PRKG1: variants seen among roughly 807,000 people sequenced by gnomAD.
PRKG1 encodes cGMP-dependent protein kinase 1.
PRKG1 carries 35 observed loss-of-function variants against 88.1 expected under a neutral mutation model. The observed-to-expected ratio is 0.40, with a 90% CI of 0.30 to 0.53. The LOEUF (loss-of-function observed/expected upper bound fraction) is 0.53, where lower values mean the gene tolerates loss of function less well. Ranked by LOEUF, PRKG1 falls within the 20% of genes least tolerant of loss-of-function variation. The probability of loss-of-function intolerance (pLI) is 0.59; values close to 1 mark genes in which losing one functional copy is unlikely to be tolerated. For synonymous variants in PRKG1, 303 were observed against 292.5 expected (o/e 1.04, Z -0.37); for missense variants, 540 against 839.8 (o/e 0.64, Z 4.41).
rs181795865 is a variant in PRKG1, at chr10:51,517,613, G to T, written c.592+49777G>T. Among the ~76,000 whole-genome samples the T allele has an allele frequency of 2.8e-3, 429 of 152,316 alleles. 3 individuals are homozygous for T. The highest frequency in any genetic ancestry group is 3.6e-3 in the Non-Finnish European group (248 of 68,032). ...TCTGTCTTCGTGAACATGCAAATCA[G>T]TTATTTAAAGTCTGTGTCTTATGAC... On this transcript the variant is annotated intron_variant, in intron 3 of 17. Transcript: ENST00000373980.
chr10:51,538,384 TTATACA>T, intron 3 of PRKG1, among the ~76,000 whole-genome samples: 1 of 145,308 alleles, frequency 6.9e-6, no homozygotes, highest in South Asian at 2.2e-4. Flanking sequence ...ATATACATTA[TTATACA>T]TATCATATAT....
At chr10:52,070,904 C>A (rs918225819) in intron 7 of PRKG1, among the ~76,000 whole-genome samples, 3 of 152,118 alleles carry the variant, frequency 2.0e-5, no homozygotes, top group Admixed American at 2.0e-4. Context: ...AACCCCAGCT[C>A]CATTGTTTAT....
intron 4 of PRKG1, among the ~76,000 whole-genome samples, chr10:51,905,326 T>G (rs1239716224): frequency 6.6e-6 from 1 of 152,156 alleles, no homozygotes; most frequent in African/African-American, 2.4e-5. Flanking sequence ...ATTTCATCAA[T>G]AAGCCTTACC....
chr10:51,252,828 TC>T (rs1334008136), intron 2 of PRKG1, among the ~76,000 whole-genome samples: 2 of 151,820 alleles, frequency 1.3e-5, no homozygotes, highest in African/African-American at 4.8e-5. Context: ...CATATTAAGC[TC>T]CTGGTGTAAG....
intron 7 of PRKG1, among the ~76,000 whole-genome samples, chr10:52,115,392 T>C (rs1847662972): frequency 6.6e-6 from 1 of 152,166 alleles, no homozygotes; most frequent in East Asian, 1.9e-4. Context: ...GTCTTATTTC[T>C]CTCTCCTTGC....
intron 7 of PRKG1, among the ~76,000 whole-genome samples, chr10:52,123,403 T>G (rs1434313182): frequency 6.6e-6 from 1 of 152,110 alleles, no homozygotes; most frequent in Non-Finnish European, 1.5e-5. Context: ...TCAGTCTCTT[T>G]TGGGTCATGT....
At chr10:52,025,541 A>G (rs1845313041) in intron 5 of PRKG1, among the ~76,000 whole-genome samples, 1 of 152,110 alleles carries the variant, frequency 6.6e-6, no homozygotes, top group Non-Finnish European at 1.5e-5. Flanking sequence ...AGCTTTCTCC[A>G]TATGGCTAGC....
At chr10:51,550,273 C>A (rs1169542606) in intron 3 of PRKG1, among the ~76,000 whole-genome samples, 1 of 152,020 alleles carries the variant, frequency 6.6e-6, no homozygotes, top group African/African-American at 2.4e-5. Context: ...ATTTTCATGT[C>A]TAGATTAGTT....
chr10:51,749,386 A>G (rs889973734), intron 3 of PRKG1, among the ~76,000 whole-genome samples: 2 of 152,126 alleles, frequency 1.3e-5, no homozygotes, highest in Admixed American at 6.6e-5. Context: ...TGAGGGCCCA[A>G]TTCCTGGCTT....
chr10:52,125,375 G>T (rs1022058233), intron 7 of PRKG1, among the ~76,000 whole-genome samples: 2 of 152,122 alleles, frequency 1.3e-5, no homozygotes, highest in African/African-American at 2.4e-5. Context: ...AAACTCCACC[G>T]TTGGGTCTTA....
intron 8 of PRKG1, among the ~76,000 whole-genome samples, chr10:52,149,203 T>C: frequency 6.6e-6 from 1 of 151,760 alleles, no homozygotes; most frequent in East Asian, 2.0e-4. Flanking sequence ...GCACTTGAAG[T>C]CCAGGGAAAA....
chr10:51,696,051 A>T (rs1218470787), intron 3 of PRKG1: 1 of 152,200 alleles, frequency 6.6e-6, no homozygotes, highest in Non-Finnish European at 1.5e-5. Flanking sequence ...TCCATCTTCC[A>T]ACCAATTTTT....
intron 2 of PRKG1, chr10:51,245,389 T>G (rs1839263059): frequency 6.6e-6 from 1 of 152,096 alleles, no homozygotes; most frequent in Admixed American, 6.6e-5. Flanking sequence ...CCCCAAACCC[T>G]GGCACTATTT....
chr10:51,961,026 CA>C (rs1843434759), intron 5 of PRKG1, among the ~76,000 whole-genome samples: 1 of 151,728 alleles, frequency 6.6e-6, no homozygotes, highest in Non-Finnish European at 1.5e-5. Context: ...TATTAAGTGC[CA>C]AAAAAGGCAT....
intron 5 of PRKG1, among the ~76,000 whole-genome samples, chr10:51,949,523 G>A (rs975895222): frequency 6.6e-6 from 1 of 151,868 alleles, no homozygotes; most frequent in African/African-American, 2.4e-5. Context: ...AGCATCATAT[G>A]TCAGAAGGAA....
chr10:51,066,110 C>A (rs1843746707), intron 1 of PRKG1, among the ~76,000 whole-genome samples: 1 of 152,020 alleles, frequency 6.6e-6, no homozygotes, highest in African/African-American at 2.4e-5. Context: ...CCATTGGAAG[C>A]TATGAAATGT....
At chr10:51,085,757 C>T (rs1202922911) in intron 1 of PRKG1, among the ~76,000 whole-genome samples, 2 of 151,716 alleles carry the variant, frequency 1.3e-5, no homozygotes, top group East Asian at 1.9e-4. Flanking sequence ...AAGAATTGCT[C>T]GAAGTTTGTA....
intron 1 of PRKG1, among the ~76,000 whole-genome samples, chr10:51,053,350 A>G (rs553959953): frequency 1.5e-4 from 23 of 152,354 alleles, no homozygotes; most frequent in African/African-American, 5.3e-4. Flanking sequence ...CTCTCCAAAG[A>G]AAACCTTGGT....
chr10:51,652,974 T>A (rs1178256084), intron 3 of PRKG1, among the ~76,000 whole-genome samples: 1 of 152,252 alleles, frequency 6.6e-6, no homozygotes, highest in Non-Finnish European at 1.5e-5. Flanking sequence ...GTATTTGTCT[T>A]CTGTGCCTAG....
Sources: allele counts gnomAD v4.1 joint callset (sites outside exome capture counted in the v4.1 genomes callset), GRCh38; gene constraint gnomAD v4.1.1; transcripts MANE v1.5; gene names NCBI Gene and HGNC (gene_info 2026-07-23, HGNC 2026-07-21).